COL22A1: variants seen among roughly 807,000 people sequenced by gnomAD.
COL22A1 encodes the protein collagen type XXII alpha 1 chain.
A neutral mutation model predicts 248.9 loss-of-function variants in COL22A1; 221 were observed. The ratio of observed to expected loss-of-function variants is 0.89; its 90% CI spans 0.80 to 0.99. The LOEUF is 0.99. Ranked by LOEUF, COL22A1 falls within the 50% of genes least tolerant of loss-of-function variation. The probability of loss-of-function intolerance (pLI) is 0.00; values close to 1 mark genes in which losing one functional copy is unlikely to be tolerated. For synonymous variants in COL22A1, 891 were observed against 793.4 expected (o/e 1.12, Z -2.07); for missense variants, 2,240 against 2,179.0 (o/e 1.03, Z -0.56).
intron 3 of COL22A1, among the ~76,000 whole-genome samples, chr8:138,849,071 C>T (rs1166918076): frequency 6.6e-6 from 1 of 152,194 alleles, no homozygotes; most frequent in Non-Finnish European, 1.5e-5. Context: ...CTCCGCTGCT[C>T]CGAGGCCAGC....
intron 3 of COL22A1, among the ~76,000 whole-genome samples, chr8:138,870,061 G>A (rs1823203770): frequency 6.6e-6 from 1 of 151,800 alleles, no homozygotes; most frequent in Non-Finnish European, 1.5e-5. Context: ...TGGGCACATG[G>A]ATATAATATG....
At chr8:138,790,244 C>T (rs1224653463) in intron 12 of COL22A1, among the ~76,000 whole-genome samples, 2 of 152,172 alleles carry the variant, frequency 1.3e-5, no homozygotes, top group African/African-American at 2.4e-5. Flanking sequence ...GGTAACCTGA[C>T]ATGGTGAAAA....
intron 18 of COL22A1, among the ~76,000 whole-genome samples, chr8:138,757,856 G>C (rs1445175164): frequency 6.6e-6 from 1 of 152,226 alleles, no homozygotes; most frequent in African/African-American, 2.4e-5. Flanking sequence ...GTAAAGATCA[G>C]TTGTGGCCAC....
chr8:138,717,712 T>C (rs1829553699), intron 27 of COL22A1, among the ~76,000 whole-genome samples: 2 of 152,198 alleles, frequency 1.3e-5, no homozygotes, highest in Admixed American at 6.5e-5. Flanking sequence ...AGTTCCTAAT[T>C]AGCACTTTGT....
chr8:138,620,985 CCATCCATCCACCCAT>C (rs1819748323), intron 52 of COL22A1, among the ~76,000 whole-genome samples: 6 of 130,644 alleles, frequency 4.6e-5, no homozygotes, highest in African/African-American at 1.7e-4. Flanking sequence ...ATCCATCCAT[CCATCCATCCACCCAT>C]CCATCCATCC....
chr8:138,664,207 GCGCACACACACACA>G (rs1267669416), intron 41 of COL22A1, among the ~76,000 whole-genome samples: 50 of 87,560 alleles, frequency 5.7e-4, no homozygotes, highest in Admixed American at 8.9e-4. Context: ...GCGCGCGCGC[GCGCACACACACACA>G]CACACACACA....
At chr8:138,655,819 A>AC in intron 45 of COL22A1, 78 bp downstream of exon 45, 1 of 1,227,250 alleles carries the variant, frequency 8.1e-7, no homozygotes, top group South Asian at 1.2e-5. Flanking sequence ...TTCAAAAAAA[A>AC]CCCCAACTTA....
chr8:138,910,017 T>C (rs185843609), intron 1 of COL22A1, among the ~76,000 whole-genome samples: 1 of 152,280 alleles, frequency 6.6e-6, no homozygotes, highest in East Asian at 1.9e-4. Context: ...AGGGACTGGT[T>C]CACCTATCTT....
intron 1 of COL22A1, among the ~76,000 whole-genome samples, chr8:138,902,747 C>T (rs1291791005): frequency 3.0e-5 from 4 of 134,114 alleles, no homozygotes; most frequent in South Asian, 2.6e-4. Context: ...TATACACACA[C>T]ACACACACAC....
At chr8:138,660,547 C>A in intron 43 of COL22A1, 67 bp from the exon 44 acceptor site, 1 of 1,402,516 alleles carries the variant, frequency 7.1e-7, no homozygotes, top group Non-Finnish European at 1.0e-6. Flanking sequence ...TCTACCCACA[C>A]CCTCTGCCAA....
chr8:138,867,105 T>A (rs568982222), intron 3 of COL22A1, among the ~76,000 whole-genome samples: 1 of 152,324 alleles, frequency 6.6e-6, no homozygotes, highest in Middle Eastern at 3.4e-3. Flanking sequence ...ATCATGCGTC[T>A]CTGTCTTAAA....
rs967635667 is a variant in COL22A1 at position 138,858,834 on chromosome 8, A to G, written c.659-14676T>C. Reference sequence around the variant, plus strand: ...TAAAATCAAAGGAGTGGCACATCGCAAGTGTATCACATGAATCCAGAGGCG... The same window carrying G: ...TAAAATCAAAGGAGTGGCACATCGCGAGTGTATCACATGAATCCAGAGGCG... On this transcript the variant is annotated intron_variant, in intron 3 of 64. Transcript: ENST00000303045. 3.3e-5 allele frequency among the ~76,000 whole-genome samples: 5 copies of G among 152,228 alleles called. No individual in the cohort carries two copies. The South Asian group carries it at 1.0e-3, about 31-fold the overall frequency.
At chr8:138,795,312 T>C (rs1816411559) in intron 12 of COL22A1, among the ~76,000 whole-genome samples, 1 of 152,206 alleles carries the variant, frequency 6.6e-6, no homozygotes, top group South Asian at 2.1e-4. Flanking sequence ...TGTGTTGTGC[T>C]ACACCCAAAC....
chr8:138,720,658 G>T, intron 27 of COL22A1, 81 bp downstream of exon 27: 1 of 1,129,652 alleles, frequency 8.9e-7, no homozygotes, highest in South Asian at 1.2e-5. Context: ...CTATGCTTAT[G>T]GTAAGTCGAG....
chr8:138,720,240 G>A (rs1829764662), intron 27 of COL22A1, among the ~76,000 whole-genome samples: 1 of 152,160 alleles, frequency 6.6e-6, no homozygotes, highest in South Asian at 2.1e-4. Context: ...TCTACGGATT[G>A]CATCTGCCAG....
intron 9 of COL22A1, among the ~76,000 whole-genome samples, chr8:138,809,589 C>T (rs1303218738): frequency 2.8e-5 from 4 of 140,810 alleles, no homozygotes; most frequent in Non-Finnish European, 6.1e-5. Context: ...AGCACGATCT[C>T]GGCTCACTGC....
At chr8:138,632,087 T>C (rs143605446) in intron 49 of COL22A1, among the ~76,000 whole-genome samples, 28 of 152,302 alleles carry the variant, frequency 1.8e-4, no homozygotes, top group South Asian at 1.7e-3. Context: ...ATGTAACATC[T>C]CTCAACTTTA....
At position 138,877,994 on chromosome 8, in the gene COL22A1, C is replaced by A; in HGVS notation, c.414G>T (p.Arg138Ser). 2 of 1,583,756 alleles carry A rather than the reference C, an allele frequency of 1.3e-6. No homozygotes were observed. Among genetic ancestry groups the A allele is most frequent in the East Asian group, 2.3e-5 (1 of 43,152 alleles). Residue 138 changes from arginine to serine, a missense_variant, in exon 3 of 65, where the codon AGG becomes AGT. Transcript: ENST00000303045. ...TGGCCACCTGCTTGTAGGCGCGGTC[C>A]CTGGGGCGGCCGCCGGCGTGTGGGG... The part of the protein sequence containing the change: ...SFSPHAGGRP[R>S]DRAYKQVAIL...
chr8:138,747,022 T>C (rs16909546), intron 22 of COL22A1, among the ~76,000 whole-genome samples: 3,422 of 152,334 alleles, frequency 0.022, 130 homozygotes, highest in African/African-American at 0.079. Flanking sequence ...GATAGGCCCA[T>C]CTGGAACCTG....
Sources: allele counts gnomAD v4.1 joint callset (sites outside exome capture counted in the v4.1 genomes callset), GRCh38; gene constraint gnomAD v4.1.1; transcripts MANE v1.5; gene names NCBI Gene and HGNC (gene_info 2026-07-23, HGNC 2026-07-21).